CDH23: variants seen among roughly 807,000 people sequenced by gnomAD.
The protein encoded by CDH23 is cadherin-23.
In CDH23, 189 loss-of-function variants were observed where a neutral mutation model predicts 317.1. That is an observed-to-expected ratio of 0.60 (90% CI 0.53 to 0.67). The LOEUF (loss-of-function observed/expected upper bound fraction) is 0.67. Among genes scored for constraint, CDH23 ranks in the 30% least tolerant of loss-of-function variants. CDH23 has a pLI of 0.00. For missense variants in CDH23, 4,401 were observed against 4,592.4 expected, an observed-to-expected ratio of 0.96 and a Z score of 1.20; for synonymous variants, 1,839 against 1,876.8, an observed-to-expected ratio of 0.98 and a Z score of 0.52.
chr10:71,400,831 T>C (rs1013249495), intron 1 of CDH23, among the ~76,000 whole-genome samples: 2 of 152,148 alleles, frequency 1.3e-5, no homozygotes, highest in Admixed American at 6.5e-5. Context: ...TAATAGAAAT[T>C]TAAAAATAAC....
chr10:71,516,403 C>G (rs991628026), intron 6 of CDH23, among the ~76,000 whole-genome samples: 3 of 152,226 alleles, frequency 2.0e-5, no homozygotes, highest in African/African-American at 7.2e-5. Flanking sequence ...AGCCACGCCT[C>G]CTGGCCCTGG....
intron 1 of CDH23, among the ~76,000 whole-genome samples, chr10:71,434,501 G>A (rs755229266): frequency 1.3e-5 from 2 of 152,146 alleles, no homozygotes; most frequent in Admixed American, 6.5e-5. Flanking sequence ...GGCTCTCTGT[G>A]GTATAAGACT....
intron 3 of CDH23, among the ~76,000 whole-genome samples, chr10:71,492,832 C>T (rs532152447): frequency 1.3e-5 from 2 of 152,262 alleles, no homozygotes; most frequent in Admixed American, 6.5e-5. Flanking sequence ...TGGAGTCTGC[C>T]GTGGGGGGCT....
rs1450429360 is a variant in CDH23 at position 71,566,946 on chromosome 10, C to T, written c.624+10C>T. The stretch of plus-strand genomic sequence containing the variant: ...CACGGTCAACGCCACAGTGAGTCTC[C>T]ATGCTGGGGCCCCGGCCGTCCCAGC... On this transcript the variant is annotated intron_variant, in intron 7 of 69. Transcript: ENST00000224721. 5.0e-6 allele frequency: 8 copies of T among 1,609,126 alleles called. No homozygotes were observed. The highest frequency in any genetic ancestry group is 6.8e-6 in the Non-Finnish European group (8 of 1,179,180).
rs1249507646 is a variant in CDH23, at chr10:71,450,427, AG to A, written c.145+4033del. Among the ~76,000 whole-genome samples the A allele has an allele frequency of 3.3e-5, 5 of 151,944 alleles. No individual in the cohort carries two copies. In the South Asian group the frequency reaches 1.0e-3, roughly 32 times the overall value. On this transcript the variant is annotated intron_variant, in intron 3 of 69. Coordinates refer to ENST00000224721, the MANE Select transcript of CDH23 (RefSeq NM_022124.6). Reference sequence around the variant, plus strand: ...ATTACAGGCACACGCCACCACTCCCAGCTAATTTTTTTATGTTTTTAGTAGA... The same window carrying A: ...ATTACAGGCACACGCCACCACTCCCACTAATTTTTTTATGTTTTTAGTAGA...
At chr10:71,757,775 T>G (rs1589401146) in intron 38 of CDH23, 1 of 152,660 alleles carries the variant, frequency 6.6e-6, no homozygotes, top group East Asian at 1.9e-4. Context: ...CTGCTGAGGG[T>G]TGGGCTGCCT....
At chr10:71,584,531 T>A (rs1318452871) in intron 9 of CDH23, among the ~76,000 whole-genome samples, 1 of 146,078 alleles carries the variant, frequency 6.8e-6, no homozygotes, top group African/African-American at 2.5e-5. Flanking sequence ...CTGATTGCTT[T>A]GAAGGGAAGT....
At chr10:71,466,300 G>A (rs1261916965) in intron 3 of CDH23, among the ~76,000 whole-genome samples, 2 of 152,146 alleles carry the variant, frequency 1.3e-5, no homozygotes, top group East Asian at 3.9e-4. Flanking sequence ...ACCTGCCCAT[G>A]TGTGTGAGTC....
chr10:71,532,110 G>A (rs1855407459), intron 6 of CDH23, among the ~76,000 whole-genome samples: 1 of 151,796 alleles, frequency 6.6e-6, no homozygotes, highest in Non-Finnish European at 1.5e-5. Context: ...GACTCCTCCA[G>A]GGGCCTAAGA....
At chr10:71,741,343 C>T (rs1839727105) in intron 37 of CDH23, among the ~76,000 whole-genome samples, 2 of 152,144 alleles carry the variant, frequency 1.3e-5, no homozygotes, top group Admixed American at 1.3e-4. Context: ...TGGCCAGAGT[C>T]TAGCTCTCAG....
chr10:71,449,226 G>A (rs1392304146), intron 3 of CDH23, among the ~76,000 whole-genome samples: 1 of 152,232 alleles, frequency 6.6e-6, no homozygotes, highest in African/African-American at 2.4e-5. Context: ...GGTCCAGGGT[G>A]GTGCTCAGTG....
intron 1 of CDH23, among the ~76,000 whole-genome samples, chr10:71,400,923 A>T (rs1847751452): frequency 6.6e-6 from 1 of 152,200 alleles, no homozygotes; most frequent in African/African-American, 2.4e-5. Flanking sequence ...CTAATTTCCC[A>T]TTGAACTCAT....
intron 22 of CDH23, among the ~76,000 whole-genome samples, chr10:71,700,785 G>A (rs1037191509): frequency 1.2e-4 from 19 of 152,180 alleles, no homozygotes; most frequent in South Asian, 6.2e-4. Flanking sequence ...CTCTCTCCCC[G>A]GCCTCCCCAG....
chr10:71,679,304 T>TGC, intron 16 of CDH23, 83 bp from the exon 17 acceptor site: 2 of 867,768 alleles, frequency 2.3e-6, no homozygotes, highest in Non-Finnish European at 1.9e-6. Context: ...GGGCCAGTCT[T>TGC]CCCCACCCTC....
chr10:71,667,844 C>G (rs1435942378), intron 14 of CDH23, among the ~76,000 whole-genome samples: 1 of 152,042 alleles, frequency 6.6e-6, no homozygotes, highest in South Asian at 2.1e-4. Context: ...ACCAGAGGGC[C>G]GGGAGCTGGG....
chr10:71,399,173 C>T (rs1464927263), intron 1 of CDH23, among the ~76,000 whole-genome samples: 1 of 152,248 alleles, frequency 6.6e-6, no homozygotes, highest in Non-Finnish European at 1.5e-5. Flanking sequence ...GCACATTCTT[C>T]TGGGAGGTGA....
intron 1 of CDH23, among the ~76,000 whole-genome samples, chr10:71,434,827 C>T (rs1849547487): frequency 6.6e-6 from 1 of 152,126 alleles, no homozygotes; most frequent in Non-Finnish European, 1.5e-5. Flanking sequence ...TCTCCTATTG[C>T]TACTGGTTCT....
rs74537194 is a variant in CDH23 at position 71,472,441 on chromosome 10, G to A, written c.145+26046G>A. On this transcript the variant is annotated intron_variant, in intron 3 of 69. Transcript: ENST00000224721. ...ATCACCCGTGTGACCGATTCCCCAC[G>A]TTAAATCCCCTCTCTTCGCAGCTCT... Among the ~76,000 whole-genome samples the A allele has an allele frequency of 4.5e-3, 680 of 152,276 alleles. 7 individuals carry two copies. Among genetic ancestry groups the A allele is most frequent in the African/African-American group, 0.016 (645 of 41,550 alleles).
chr10:71,513,168 TA>T (rs1252961744), intron 6 of CDH23, among the ~76,000 whole-genome samples: 5 of 152,206 alleles, frequency 3.3e-5, no homozygotes, highest in African/African-American at 1.2e-4. Flanking sequence ...TGCTCGTGTG[TA>T]AACATCCCTG....
Sources: gnomAD v4.1 joint callset for allele counts (sites outside exome capture counted in the v4.1 genomes callset) on GRCh38, gnomAD v4.1.1 for gene constraint, MANE v1.5 for transcripts, NCBI Gene and HGNC (gene_info 2026-07-23, HGNC 2026-07-21) for gene names.